Variants in CEP126 observed in about 807,000 individuals in gnomAD.
The protein encoded by CEP126 is centrosomal protein 126.
CEP126 carries 74 observed loss-of-function variants against 107.8 expected under a neutral mutation model. The observed-to-expected ratio is 0.69, with a 90% CI of 0.57 to 0.83. The LOEUF (loss-of-function observed/expected upper bound fraction) is 0.83. Ranked by LOEUF, CEP126 falls within the 40% of genes least tolerant of loss-of-function variation. CEP126 has a pLI of 0.00. For missense variants in CEP126, 1,237 were observed against 1,281.9 expected (o/e 0.96, Z 0.53); for synonymous variants, 449 against 446.0 (o/e 1.01, Z -0.08).
At chr11:101,933,386 G>A (rs1280414122) in intron 2 of CEP126, among the ~76,000 whole-genome samples, 1 of 152,134 alleles carries the variant, frequency 6.6e-6, no homozygotes, top group Non-Finnish European at 1.5e-5. Flanking sequence ...TTGTTACATA[G>A]TGTATACTCG....
rs1301314757 is a variant in CEP126 at position 101,931,077 on chromosome 11, A to AT, written c.248+8321dup. Among the ~76,000 whole-genome samples the AT allele has an allele frequency of 3.9e-5, 6 of 152,130 alleles. No homozygotes were observed. In the East Asian group the frequency reaches 1.2e-3, roughly 29 times the overall value. The stretch of plus-strand genomic sequence containing the variant: ...ACATTTTAACCTACTAAATTGAGGG[A>AT]TTTTGTTAGAACTGAAATCTAAGGA... On this transcript the variant is annotated intron_variant, in intron 2 of 10. Coordinates refer to ENST00000263468, the MANE Select transcript of CEP126 (RefSeq NM_020802.4).
intron 2 of CEP126, among the ~76,000 whole-genome samples, chr11:101,937,081 G>T (rs1940591854): frequency 6.6e-6 from 1 of 152,112 alleles, no homozygotes. Context: ...ATTTATGTTT[G>T]ATATACACCT....
Position 101,963,256 on chromosome 11 carries a change from G to A in CEP126, c.2221G>A (p.Asp741Asn). 6.2e-7 allele frequency: 1 copy of A among 1,613,986 alleles called. No homozygotes were observed. Among genetic ancestry groups the A allele is most frequent in the South Asian group, 1.1e-5 (1 of 91,068 alleles). ...KEESKIPVHD[D>N]SKTKQGKPQR... The stretch of plus-strand genomic sequence containing the variant: ...AGAAAGTAAAATCCCTGTACATGAT[G>A]ATTCTAAAACTAAGCAAGGTAAGCC... The change falls in exon 6 of 11, where the codon GAT becomes AAT. Residue 741 changes from aspartate to asparagine, a missense_variant. Physicochemically the swap from Asp to Asn is conservative, Grantham distance 23. This residue lies in a region of CEP126 where 1,134 missense variants were observed against 1,150.5 expected (regional missense o/e 0.99). Transcript: ENST00000263468.
At chr11:101,956,617 G>A (rs370906683) in intron 4 of CEP126, 4 of 454,932 alleles carry the variant, frequency 8.8e-6, no homozygotes, top group African/African-American at 4.0e-5. Flanking sequence ...CCTCTTCTTC[G>A]ACTTCCTGTT....
At chr11:101,976,901 C>T (rs1941198544) in intron 6 of CEP126, among the ~76,000 whole-genome samples, 1 of 152,148 alleles carries the variant, frequency 6.6e-6, no homozygotes, top group Admixed American at 6.5e-5. Flanking sequence ...AAGCATTTTA[C>T]TATAATAATT....
intron 6 of CEP126, among the ~76,000 whole-genome samples, chr11:101,967,617 T>C (rs766587937): frequency 1.2e-4 from 19 of 152,190 alleles, no homozygotes; most frequent in Non-Finnish European, 2.4e-4. Context: ...AAATATCTGA[T>C]TTCCCTACTT....
At chr11:101,938,189 G>A (rs867894642) in intron 2 of CEP126, among the ~76,000 whole-genome samples, 9 of 144,112 alleles carry the variant, frequency 6.2e-5, no homozygotes, top group Middle Eastern at 3.5e-3. Context: ...CAAGAAATTG[G>A]TCCATTTTAC....
At position 101,996,124 on chromosome 11, in the gene CEP126, C is replaced by G. The variant is rs548045126; in HGVS notation, c.3310-1475C>G. On this transcript the variant is annotated intron_variant, in intron 10 of 10. Transcript: ENST00000263468. The stretch of plus-strand genomic sequence containing the variant: ...CTATAGCATCTTCATGACTACAGGC[C>G]CTGCTGACCAACAGCAGCCCTAGGC... 5.3e-5 allele frequency among the ~76,000 whole-genome samples: 8 copies of G among 152,334 alleles called. No individual in the cohort carries two copies. The South Asian group carries it at 1.7e-3, about 32-fold the overall frequency.
At chr11:101,940,137 T>TA in intron 2 of CEP126, among the ~76,000 whole-genome samples, 1 of 152,306 alleles carries the variant, frequency 6.6e-6, no homozygotes, top group East Asian at 1.9e-4. Context: ...GTCATAGGTA[T>TA]AAGTTATTTT....
Position 101,991,819 on chromosome 11 carries a change from G to A in CEP126, c.3245-959G>A, listed in dbSNP as rs182858546. Among the ~76,000 whole-genome samples, 419 of 152,214 alleles carry A rather than the reference G, an allele frequency of 2.8e-3. 2 individuals carry two copies. Among genetic ancestry groups the A allele is most frequent in the African/African-American group, 9.0e-3 (375 of 41,536 alleles). The stretch of plus-strand genomic sequence containing the variant: ...AAATACATAATTTGGGGCAAAAAAC[G>A]TAAATCACAGGAGAATAAAGACAGT... On this transcript the variant is annotated intron_variant, in intron 9 of 10. Coordinates refer to ENST00000263468, the MANE Select transcript of CEP126 (RefSeq NM_020802.4).
At chr11:101,930,176 C>T (rs1032003222) in intron 2 of CEP126, among the ~76,000 whole-genome samples, 10 of 112,750 alleles carry the variant, frequency 8.9e-5, no homozygotes, top group African/African-American at 3.7e-4. Context: ...TTGGGGAGGG[C>T]GTAGTTGCCC....
In CEP126 at chr11:101,986,839, T is replaced by C. The variant is rs1007053915; in HGVS notation, c.3042T>C (p.Asp1014=). The C allele has an allele frequency of 1.2e-6, 2 of 1,613,074 alleles. No homozygotes were observed. Among genetic ancestry groups the C allele is most frequent in the Non-Finnish European group, 1.7e-6 (2 of 1,179,196 alleles). The change falls in exon 9 of 11, where the codon GAT becomes GAC. Residue 1014 remains aspartate (D), a synonymous_variant. Transcript: ENST00000263468. ...TGATGTAAGTTTCTGTAGTTTCAGA[T>C]AGTACTTCTGAGTTTTTGATGGCTG... ...RGTSYIEEVS[D]STSEFLMAEN...
chr11:101,992,360 T>C (rs919216470), intron 9 of CEP126, among the ~76,000 whole-genome samples: 2 of 152,080 alleles, frequency 1.3e-5, no homozygotes, highest in Non-Finnish European at 2.9e-5. Context: ...TGCTATTATA[T>C]AGACAAAAAT....
In CEP126 at chr11:101,992,861, T is replaced by C; in HGVS notation, c.3309+19T>C. The stretch of plus-strand genomic sequence containing the variant: ...ACTTCTGGTAAGTATTTGAAGAAGC[T>C]CTTTTTTTCTTGTTTTAGGAAACTT... On this transcript the variant is annotated intron_variant, in intron 10 of 10. Coordinates refer to ENST00000263468, the MANE Select transcript of CEP126 (RefSeq NM_020802.4). The C allele has an allele frequency of 6.6e-7, 1 of 1,505,878 alleles. No homozygotes were observed. Among genetic ancestry groups the C allele is most frequent in the Non-Finnish European group, 8.8e-7 (1 of 1,132,746 alleles). The allele number at this position is 1,505,878 out of a possible 1,614,324, so 93.3% of individuals were successfully genotyped here. A position where few individuals can be genotyped will look rare whatever the true frequency, so the allele number is the denominator to read the frequency against.
chr11:101,928,022 C>T (rs920483194), intron 2 of CEP126, among the ~76,000 whole-genome samples: 2 of 152,202 alleles, frequency 1.3e-5, no homozygotes, highest in Non-Finnish European at 2.9e-5. Context: ...CTCATCCTCA[C>T]TAGCATTTGG....
intron 2 of CEP126, among the ~76,000 whole-genome samples, chr11:101,943,984 G>A (rs902245506): frequency 6.6e-6 from 1 of 152,062 alleles, no homozygotes; most frequent in Non-Finnish European, 1.5e-5. Context: ...CCACAGCACA[G>A]TTTGCGAGGT....
At chr11:101,979,121 A>C (rs1941226717) in intron 7 of CEP126, among the ~76,000 whole-genome samples, 1 of 152,078 alleles carries the variant, frequency 6.6e-6, no homozygotes, top group South Asian at 2.1e-4. Context: ...AACAAGAGCA[A>C]GACTCCATCT....
chr11:101,935,114 T>C (rs1940557339), intron 2 of CEP126, among the ~76,000 whole-genome samples: 1 of 152,070 alleles, frequency 6.6e-6, no homozygotes, highest in South Asian at 2.1e-4. Context: ...AGTTTTCACT[T>C]GCCTGATGTG....
At chr11:101,966,004 A>C (rs2137115660) in intron 6 of CEP126, among the ~76,000 whole-genome samples, 1 of 152,332 alleles carries the variant, frequency 6.6e-6, no homozygotes, top group East Asian at 1.9e-4. Flanking sequence ...GTAACATATT[A>C]AAATTATCTG....
Sources: gnomAD v4.1 joint callset for allele counts (sites outside exome capture counted in the v4.1 genomes callset) on GRCh38, gnomAD v4.1.1 for gene constraint, gnomAD v4.1.1 regional missense constraint, MANE v1.5 for transcripts, NCBI Gene and HGNC (gene_info 2026-07-23, HGNC 2026-07-21) for gene names.